The following FHIT variants were observed in gnomAD, a reference collection of about 807,000 sequenced individuals.
The protein encoded by FHIT is fragile histidine triad diadenosine triphosphatase, also known as bis(5'-adenosyl)-triphosphatase.
A neutral mutation model predicts 17.9 loss-of-function variants in FHIT; 19 were observed. The ratio of observed to expected loss-of-function variants is 1.06; its 90% confidence interval spans 0.74 to 1.56. The LOEUF (loss-of-function observed/expected upper bound fraction) is 1.56, where lower values mean the gene tolerates loss of function less well. Ranked by LOEUF, FHIT falls within the 40% of genes most tolerant of loss-of-function variation. The pLI, the probability that FHIT is intolerant of heterozygous loss-of-function variation, is 0.00. For synonymous variants in FHIT, 81 were observed against 69.7 expected (o/e 1.16, Z -0.81); for missense variants, 248 against 189.2 (o/e 1.31, Z -1.82).
At chr3:60,036,251 C>T (rs537288315) in intron 5 of FHIT, among the ~76,000 whole-genome samples, 14 of 152,208 alleles carry the variant, frequency 9.2e-5, no homozygotes, top group African/African-American at 3.1e-4. Flanking sequence ...GATAATTTTT[C>T]CAGATCTAAG....
At chr3:61,141,748 T>C (rs1020880560) in intron 2 of FHIT, among the ~76,000 whole-genome samples, 2 of 151,640 alleles carry the variant, frequency 1.3e-5, no homozygotes, top group African/African-American at 4.8e-5. Flanking sequence ...GCTTCTTCAA[T>C]TGGCTGACCC....
chr3:60,118,922 G>A (rs1282314883), intron 5 of FHIT, among the ~76,000 whole-genome samples: 2 of 151,302 alleles, frequency 1.3e-5, no homozygotes, highest in South Asian at 2.1e-4. Context: ...TAGGGAGGCT[G>A]AGGCAGAAGA....
At chr3:60,690,743 T>G in intron 4 of FHIT, 1 of 393,600 alleles carries the variant, frequency 2.5e-6, no homozygotes, top group Admixed American at 3.2e-5. Flanking sequence ...GGGCTCCCAG[T>G]GGCAGCACCA....
intron 5 of FHIT, among the ~76,000 whole-genome samples, chr3:60,149,768 C>T (rs1355458534): frequency 6.6e-6 from 1 of 151,184 alleles, no homozygotes; most frequent in East Asian, 2.0e-4. Context: ...ACATCTTACT[C>T]CCCTATGCCC....
At chr3:60,633,288 G>T (rs1399747041) in intron 4 of FHIT, among the ~76,000 whole-genome samples, 1 of 152,122 alleles carries the variant, frequency 6.6e-6, no homozygotes, top group Non-Finnish European at 1.5e-5. Context: ...TATTGAGCAA[G>T]TGACTTAACC....
rs916216024 is a variant in FHIT, at chr3:61,243,147, G to A, written c.-213+8154C>T. Among the ~76,000 whole-genome samples the A allele has an allele frequency of 2.0e-5, 3 of 152,098 alleles. No homozygotes were observed. In the South Asian group the frequency reaches 6.2e-4, roughly 32 times the overall value. On this transcript the variant is annotated intron_variant, in intron 1 of 9. Coordinates refer to ENST00000492590, the MANE Select transcript of FHIT (RefSeq NM_002012.4). ...TGGAGGTTAGAGGCAAGTTAGATGC[G>A]GTTAGGTCAGATCTCTTTCACCGTC...
chr3:60,864,490 C>A (rs1343025167), intron 3 of FHIT, among the ~76,000 whole-genome samples: 5 of 152,118 alleles, frequency 3.3e-5, no homozygotes, highest in African/African-American at 1.2e-4. Context: ...GGGATGAATA[C>A]CTTCATCAAG....
intron 8 of FHIT, among the ~76,000 whole-genome samples, chr3:59,762,169 A>G (rs1461300724): frequency 6.6e-6 from 1 of 152,156 alleles, no homozygotes; most frequent in African/African-American, 2.4e-5. Flanking sequence ...GAGGATCCGC[A>G]TCCTGGCCAG....
intron 2 of FHIT, among the ~76,000 whole-genome samples, chr3:61,045,973 G>A (rs892986210): frequency 3.9e-5 from 6 of 152,108 alleles, no homozygotes; most frequent in African/African-American, 1.4e-4. Context: ...TAGAATCTCT[G>A]GGACACATTC....
intron 4 of FHIT, among the ~76,000 whole-genome samples, chr3:60,585,862 A>G (rs980983218): frequency 7.2e-5 from 11 of 151,868 alleles, no homozygotes; most frequent in African/African-American, 2.7e-4. Flanking sequence ...TTAATTCCAG[A>G]TTTGGATAAA....
chr3:60,675,822 A>G (rs1577057982), intron 4 of FHIT, among the ~76,000 whole-genome samples: 1 of 152,256 alleles, frequency 6.6e-6, no homozygotes, highest in East Asian at 1.9e-4. Flanking sequence ...AGCAAATCAA[A>G]TTCTCAGAAG....
intron 5 of FHIT, among the ~76,000 whole-genome samples, chr3:60,025,845 A>G (rs572794997): frequency 1.9e-4 from 29 of 152,310 alleles, no homozygotes; most frequent in African/African-American, 6.5e-4. Flanking sequence ...CTTCCAGAAT[A>G]GAGTAAGTTA....
At chr3:60,818,365 T>G (rs1170384557) in intron 4 of FHIT, among the ~76,000 whole-genome samples, 1 of 152,162 alleles carries the variant, frequency 6.6e-6, no homozygotes, top group Non-Finnish European at 1.5e-5. Context: ...CCTGTTATAG[T>G]TTTCTGAAGG....
At chr3:60,011,045 C>T (rs1425878570) in intron 7 of FHIT, among the ~76,000 whole-genome samples, 1 of 152,188 alleles carries the variant, frequency 6.6e-6, no homozygotes, top group Non-Finnish European at 1.5e-5. Context: ...TGCACAAACC[C>T]ACAGGAAGCT....
intron 5 of FHIT, among the ~76,000 whole-genome samples, chr3:60,364,993 CCTT>C (rs1011357882): frequency 6.6e-6 from 1 of 151,504 alleles, no homozygotes; most frequent in Non-Finnish European, 1.5e-5. Flanking sequence ...TTCTCGGCCT[CCTT>C]AAGTACATGA....
intron 5 of FHIT, among the ~76,000 whole-genome samples, chr3:60,047,394 C>G (rs1701697240): frequency 6.6e-6 from 1 of 152,218 alleles, no homozygotes; most frequent in Non-Finnish European, 1.5e-5. Flanking sequence ...CATATGGACA[C>G]TGACCAATCC....
At chr3:60,110,107 T>G (rs747264503) in intron 5 of FHIT, among the ~76,000 whole-genome samples, 9 of 152,176 alleles carry the variant, frequency 5.9e-5, no homozygotes, top group African/African-American at 9.7e-5. Context: ...CCAGGGACAA[T>G]CTTCTTCATC....
intron 5 of FHIT, among the ~76,000 whole-genome samples, chr3:60,265,667 C>G (rs1278239559): frequency 6.6e-6 from 1 of 151,714 alleles, no homozygotes; most frequent in Non-Finnish European, 1.5e-5. Flanking sequence ...AAAATATATG[C>G]AAATCACATA....
chr3:60,497,350 T>C lies in FHIT; in HGVS notation c.103+39510A>G, dbSNP rs989515076. Among the ~76,000 whole-genome samples the C allele has an allele frequency of 3.9e-5, 6 of 152,338 alleles. No homozygotes were observed. In the South Asian group the frequency reaches 1.2e-3, roughly 32 times the overall value. On this transcript the variant is annotated intron_variant, in intron 5 of 9. Transcript: ENST00000492590. Reference sequence around the variant, plus strand: ...AAGATCTGAAGCATGTATGAAAATATGTTAAATTTTTTAAGAAGGACTGCC... The same window carrying C: ...AAGATCTGAAGCATGTATGAAAATACGTTAAATTTTTTAAGAAGGACTGCC...
Sources: allele counts gnomAD v4.1 joint callset (sites outside exome capture counted in the v4.1 genomes callset), GRCh38; gene constraint gnomAD v4.1.1; transcripts MANE v1.5; gene names NCBI Gene and HGNC (gene_info 2026-07-23, HGNC 2026-07-21).